Variants in ZXDC observed in about 807,000 individuals in gnomAD.
ZXDC encodes zinc finger protein ZXDC.
A neutral mutation model predicts 63.6 loss-of-function variants in ZXDC; 58 were observed. That is an observed-to-expected ratio of 0.91 (90% CI 0.74 to 1.13). The LOEUF (loss-of-function observed/expected upper bound fraction) is 1.13. ZXDC is among the 50% of genes most tolerant of loss of function. The pLI, the probability that ZXDC is intolerant of heterozygous loss-of-function variation, is 0.00. For missense variants in ZXDC, 1,133 were observed against 1,148.9 expected (o/e 0.99, Z 0.20); for synonymous variants, 561 against 496.1 (o/e 1.13, Z -1.74).
chr3:126,440,710 T>A, intron 8 of ZXDC: 1 of 985,776 alleles, frequency 1.0e-6, no homozygotes, highest in Non-Finnish European at 1.2e-6. Flanking sequence ...TGCCCCTCTC[T>A]AAGACAAGCT....
chr3:126,449,986 C>T (rs1934035740), intron 7 of ZXDC, among the ~76,000 whole-genome samples: 1 of 152,210 alleles, frequency 6.6e-6, no homozygotes, highest in African/African-American at 2.4e-5. Flanking sequence ...GCCCATTCTC[C>T]AGCACTGGGG....
intron 3 of ZXDC, 110 bp from the exon 4 acceptor site, chr3:126,471,135 C>T: frequency 1.4e-6 from 2 of 1,411,428 alleles, no homozygotes; most frequent in Non-Finnish European, 1.9e-6. Context: ...CAAAAATGAT[C>T]AGTACATTTC....
rs1357947455 is a variant in ZXDC at position 126,441,520 on chromosome 3, G to A, written c.2394+245C>T. ...GCAGGGCTGTGCACAGACAGGTTCA[G>A]GAAGTGGATGCACGGTCCCAGCAAC... On this transcript the variant is annotated intron_variant, in intron 8 of 9. Coordinates refer to ENST00000389709, the MANE Select transcript of ZXDC (RefSeq NM_025112.5). 5 of 1,282,292 alleles carry A rather than the reference G, an allele frequency of 3.9e-6. No individual in the cohort carries two copies. The African/African-American group carries it at 6.1e-5, about 16-fold the overall frequency. 79.4% of individuals were successfully genotyped at this position (1,282,292 alleles called of 1,614,324 possible).
intron 9 of ZXDC, 97 bp downstream of exon 9, chr3:126,439,535 C>T: frequency 2.6e-6 from 4 of 1,547,052 alleles, no homozygotes; most frequent in Non-Finnish European, 3.5e-6. Flanking sequence ...GCCACGCGGC[C>T]TCAGTGACCA....
At chr3:126,457,819 T>G (rs1934365362) in intron 7 of ZXDC, among the ~76,000 whole-genome samples, 2 of 152,176 alleles carry the variant, frequency 1.3e-5, no homozygotes. Context: ...GGGGGTCTCC[T>G]GCAAGAGCCC....
At chr3:126,445,057 G>C (rs1320894231) in intron 7 of ZXDC, among the ~76,000 whole-genome samples, 2 of 152,100 alleles carry the variant, frequency 1.3e-5, no homozygotes, top group African/African-American at 4.8e-5. Context: ...AAAATCACAG[G>C]AATTTCTTTT....
intron 4 of ZXDC, among the ~76,000 whole-genome samples, chr3:126,468,323 CA>C (rs11364412): frequency 0.61 from 92,344 of 151,880 alleles, 28,616 homozygotes; most frequent in South Asian, 0.74. Flanking sequence ...CCTGTTACTA[CA>C]AAAAAAGGTA....
chr3:126,471,870 A>T, intron 3 of ZXDC, 103 bp downstream of exon 3: 1 of 1,038,602 alleles, frequency 9.6e-7, no homozygotes, highest in Non-Finnish European at 1.4e-6. Flanking sequence ...CTCCTTTTTT[A>T]ACAACTTAAA....
In ZXDC at chr3:126,441,669, C is replaced by T. The variant is rs1381027577; in HGVS notation, c.2394+96G>A. 42 of 1,441,588 alleles carry T rather than the reference C, an allele frequency of 2.9e-5. No individual in the cohort carries two copies. In the East Asian group the frequency reaches 6.0e-4, roughly 21 times the overall value. 89.3% of individuals were successfully genotyped at this position (1,441,588 alleles called of 1,614,324 possible). ...AGGGGCAGGCAGGCAGGGGGTGCTG[C>T]GATGGGCAGGGGATGCAGCATGCCG... On this transcript the variant is annotated intron_variant, in intron 8 of 9. Coordinates refer to ENST00000389709, the MANE Select transcript of ZXDC (RefSeq NM_025112.5).
intron 7 of ZXDC, chr3:126,452,330 A>C (rs1213239447): frequency 2.0e-6 from 2 of 985,272 alleles, no homozygotes; most frequent in African/African-American, 3.5e-5. Context: ...ATCGCACTAC[A>C]ATGCTGTGGG....
chr3:126,460,386 T>C (rs1934477950), intron 6 of ZXDC: 1 of 807,382 alleles, frequency 1.2e-6, no homozygotes, highest in African/African-American at 1.9e-5. Context: ...CTGGGACCCA[T>C]TCACCACACA....
chr3:126,461,692 G>A lies in ZXDC; in HGVS notation c.1970C>T (p.Ala657Val), dbSNP rs1284072973. 6.2e-7 allele frequency: 1 copy of A among 1,613,924 alleles called. No homozygotes were observed. Among genetic ancestry groups the A allele is most frequent in the Non-Finnish European group, 8.5e-7 (1 of 1,179,986 alleles). ...CGAGTCCGGCTCCACCTTGATTGGA[G>A]CCAGCAGTTCCGGGACACTGGCATT... ...RENASVPELLAPIKVEPDSPS... is the reference protein window; with the variant it reads ...RENASVPELLVPIKVEPDSPS... The change falls in exon 6 of 10, where the codon GCT becomes GTT. Residue 657 changes from alanine to valine, a missense_variant. Coordinates refer to ENST00000389709, the MANE Select transcript of ZXDC (RefSeq NM_025112.5).
Position 126,475,767 on chromosome 3 carries a change from C to T in ZXDC, c.99G>A (p.Ala33=). The change falls in exon 1 of 10, where the codon GCG becomes GCA. Residue 33 remains alanine, a synonymous_variant. Coordinates refer to ENST00000389709, the MANE Select transcript of ZXDC (RefSeq NM_025112.5). The part of the protein sequence containing the change: ...PLRRAPAPLG[A]SPARRRLLLV... The stretch of plus-strand genomic sequence containing the variant: ...GTAGCAGGCGGCGGCGCGCGGGGCT[C>T]GCGCCGAGCGGCGCTGGGGCTCGGC... The T allele has an allele frequency of 1.8e-6, 2 of 1,141,384 alleles. No homozygotes were observed. The highest frequency in any genetic ancestry group is 2.1e-6 in the Non-Finnish European group (2 of 932,442). 70.7% of individuals were successfully genotyped at this position (1,141,384 alleles called of 1,614,324 possible). A position where few individuals can be genotyped will look rare whatever the true frequency, so the allele number is the denominator to read the frequency against.
intron 4 of ZXDC, among the ~76,000 whole-genome samples, chr3:126,467,643 C>G (rs958870091): frequency 6.6e-6 from 1 of 152,174 alleles, no homozygotes; most frequent in Non-Finnish European, 1.5e-5. Flanking sequence ...GCTGCAAACT[C>G]GTTTCCAGGT....
chr3:126,439,225 T>C (rs946399211), intron 9 of ZXDC, among the ~76,000 whole-genome samples: 3 of 152,266 alleles, frequency 2.0e-5, no homozygotes, highest in African/African-American at 7.2e-5. Context: ...TGATAAGCTA[T>C]ACGCTTTCGC....
intron 7 of ZXDC, chr3:126,452,048 A>AC (rs1054196111): frequency 2.0e-6 from 2 of 985,132 alleles, no homozygotes; most frequent in African/African-American, 3.5e-5. Context: ...TTTTTCCCTA[A>AC]AAGGCCAGCA....
At chr3:126,471,145 C>A in intron 3 of ZXDC, 120 bp from the exon 4 acceptor site, 2 of 1,361,838 alleles carry the variant, frequency 1.5e-6, no homozygotes, top group South Asian at 1.5e-5. Flanking sequence ...CAGTACATTT[C>A]GGAAAATCTT....
rs1935179500 is a variant in ZXDC, at chr3:126,475,569, G to A, written c.297C>T (p.Gly99=). Residue 99 remains glycine, a synonymous_variant, in exon 1 of 10, where the codon GGC becomes GGT. Coordinates refer to ENST00000389709, the MANE Select transcript of ZXDC (RefSeq NM_025112.5). Reference sequence around the variant, plus strand: ...GGCGGCTCGCCAGGTTGACACGGGAGCCAGGCTCGGCCTCCTGTGATCCGG... The same window carrying A: ...GGCGGCTCGCCAGGTTGACACGGGAACCAGGCTCGGCCTCCTGTGATCCGG... ...EAAGSQEAEP[G]SRVNLASRPE... 2 of 1,426,078 alleles carry A rather than the reference G, an allele frequency of 1.4e-6. No individual in the cohort carries two copies. The highest frequency in any genetic ancestry group is 1.8e-6 in the Non-Finnish European group (2 of 1,085,254). 88.3% of individuals were successfully genotyped at this position (1,426,078 alleles called of 1,614,324 possible).
intron 7 of ZXDC, 113 bp from the exon 8 acceptor site, chr3:126,442,059 A>T: frequency 7.9e-7 from 1 of 1,258,354 alleles, no homozygotes; most frequent in Non-Finnish European, 1.0e-6. Context: ...GTCATTCTGC[A>T]CAGCTAAGAG....
Sources: allele counts gnomAD v4.1 joint callset (sites outside exome capture counted in the v4.1 genomes callset), GRCh38; gene constraint gnomAD v4.1.1; transcripts MANE v1.5; gene names NCBI Gene and HGNC (gene_info 2026-07-23, HGNC 2026-07-21).